The following MICAL3 variants were observed in gnomAD, a reference collection of about 807,000 sequenced individuals.
MICAL3 encodes [F-actin]-monooxygenase MICAL3.
In MICAL3, 62 loss-of-function variants were observed where a neutral mutation model predicts 207.4. The ratio of observed to expected loss-of-function variants is 0.30; its 90% CI spans 0.24 to 0.37. The LOEUF is 0.37. Among genes scored for constraint, MICAL3 ranks in the 10% least tolerant of loss-of-function variants. The probability of loss-of-function intolerance (pLI) is 1.00; values close to 1 mark genes in which losing one functional copy is unlikely to be tolerated. For synonymous variants in MICAL3, 1,077 were observed against 1,069.3 expected (o/e 1.01, Z -0.14); for missense variants, 2,368 against 2,635.6 (o/e 0.90, Z 2.22).
chr22:17,821,558 C>CCTTCCTGG, intron 24 of MICAL3, 49 bp from the exon 25 acceptor site: 1 of 1,464,136 alleles, frequency 6.8e-7, no homozygotes, highest in Non-Finnish European at 9.2e-7. Context: ...CCCCCATGTG[C>CCTTCCTGG]CAGGAAGGCA....
At chr22:17,927,251 T>C (rs767610158) in intron 1 of MICAL3, among the ~76,000 whole-genome samples, 3 of 152,226 alleles carry the variant, frequency 2.0e-5, no homozygotes, top group Non-Finnish European at 4.4e-5. Flanking sequence ...TTGTAACATA[T>C]ACCATGACCT....
At chr22:17,820,379 G>C (rs559747668) in intron 25 of MICAL3, among the ~76,000 whole-genome samples, 54 of 152,176 alleles carry the variant, frequency 3.5e-4, no homozygotes, top group Non-Finnish European at 1.3e-4. Flanking sequence ...TTTTGAGACG[G>C]AGTCTCGCTC....
chr22:17,965,190 AAAAAAAAAAAAAAG>A (rs1935091361), intron 1 of MICAL3, among the ~76,000 whole-genome samples: 1 of 151,782 alleles, frequency 6.6e-6, no homozygotes, highest in Non-Finnish European at 1.5e-5. Flanking sequence ...CTCCAAAAAA[AAAAAAAAAAAAAAG>A]GAAGGGAACT....
chr22:18,018,704 A>G (rs1924230963), intron 1 of MICAL3, among the ~76,000 whole-genome samples: 1 of 152,040 alleles, frequency 6.6e-6, no homozygotes, highest in Non-Finnish European at 1.5e-5. Flanking sequence ...CCTGGGTGAC[A>G]AAGACTCTGT....
chr22:17,798,408 T>C (rs185487180), intron 29 of MICAL3, among the ~76,000 whole-genome samples: 19 of 152,266 alleles, frequency 1.2e-4, no homozygotes, highest in African/African-American at 4.1e-4. Context: ...TTTTTGGTTT[T>C]CAGTTCCCTT....
intron 1 of MICAL3, among the ~76,000 whole-genome samples, chr22:17,907,762 C>T (rs567110436): frequency 3.8e-4 from 58 of 152,296 alleles, no homozygotes; most frequent in African/African-American, 1.3e-3. Flanking sequence ...AACCAACCAG[C>T]AGCATCACAG....
At chr22:17,872,859 C>T (rs1414283693) in intron 16 of MICAL3, 7 of 1,560,442 alleles carry the variant, frequency 4.5e-6, no homozygotes, top group East Asian at 2.2e-5. Flanking sequence ...ATACTTCTAT[C>T]GGTTGAAGAT....
chr22:17,811,460 T>C (rs1179104545), intron 27 of MICAL3: 1 of 152,282 alleles, frequency 6.6e-6, no homozygotes, highest in Non-Finnish European at 1.5e-5. Context: ...CTGGACTGAC[T>C]CTGGGGTCTG....
intron 19 of MICAL3, chr22:17,861,238 C>G (rs1347832473): frequency 2.5e-5 from 25 of 985,368 alleles, no homozygotes; most frequent in Non-Finnish European, 3.0e-5. Context: ...TGGGAAAGGC[C>G]TGCATTTCCT....
chr22:17,844,209 T>C (rs1924393575), intron 19 of MICAL3, among the ~76,000 whole-genome samples: 1 of 152,158 alleles, frequency 6.6e-6, no homozygotes, highest in African/African-American at 2.4e-5. Context: ...AGGTCATGAC[T>C]GGGCTGGCAT....
intron 1 of MICAL3, among the ~76,000 whole-genome samples, chr22:17,992,114 C>G (rs1921749498): frequency 6.6e-6 from 1 of 152,188 alleles, no homozygotes; most frequent in South Asian, 2.1e-4. Flanking sequence ...ACTTGGGGCA[C>G]CTATATCTCT....
chr22:17,823,619 T>G (rs1298313148), intron 22 of MICAL3, among the ~76,000 whole-genome samples: 2 of 152,074 alleles, frequency 1.3e-5, no homozygotes, highest in African/African-American at 4.8e-5. Flanking sequence ...GTTTCATGCA[T>G]AAAATTATTA....
intron 16 of MICAL3, 77 bp downstream of exon 16, chr22:17,885,801 C>A: frequency 1.4e-6 from 2 of 1,479,038 alleles, no homozygotes; most frequent in Non-Finnish European, 1.9e-6. Context: ...CACAGCCCAT[C>A]TCAATGGATG....
Position 17,866,483 on chromosome 22 carries a change from C to A in MICAL3, c.2429-471G>T, listed in dbSNP as rs570866692. ...GACAGGCCCATCTCTGCTGCTCCCC[C>A]TCCCGCACCCTATCTCTCACCCCCT... On this transcript the variant is annotated intron_variant, in intron 17 of 31. Coordinates refer to ENST00000441493, the MANE Select transcript of MICAL3 (RefSeq NM_015241.3). 1.2e-3 allele frequency among the ~76,000 whole-genome samples: 187 copies of A among 152,318 alleles called. 1 individual carries two copies. Among genetic ancestry groups the A allele is most frequent in the Non-Finnish European group, 2.3e-3 (158 of 68,030 alleles).
rs1345968591 is a variant in MICAL3 at position 17,896,302 on chromosome 22, G to C, written c.1266C>G (p.Ala422=). 2.6e-6 allele frequency: 4 copies of C among 1,561,864 alleles called. No individual in the cohort carries two copies. In the African/African-American group the frequency reaches 5.4e-5, roughly 21 times the overall value. Residue 422 remains alanine (A), a synonymous_variant, in exon 9 of 32, where the codon GCC becomes GCG. Transcript: ENST00000441493. ...ARGFLAAMDS[A]WMVRSWSLGT... is the part of the protein sequence containing the mutation. ...CTAGAGACCAACTTCGGACCATCCAGGCAGAGTCCATAGCAGCTAGAAAGC... is the reference window on the plus strand; with the variant it reads ...CTAGAGACCAACTTCGGACCATCCACGCAGAGTCCATAGCAGCTAGAAAGC...
intron 16 of MICAL3, chr22:17,879,452 G>A (rs370267090): frequency 2.0e-6 from 3 of 1,509,420 alleles, no homozygotes; most frequent in South Asian, 1.2e-5. Context: ...CGCTCTATTT[G>A]GACCTACTAA....
rs1167950232 is a variant in MICAL3, at chr22:17,906,778, G to C, written c.35C>G (p.Ala12Gly). 1 of 1,613,000 alleles carries C rather than the reference G, an allele frequency of 6.2e-7. No homozygotes were observed. The highest frequency in any genetic ancestry group is 8.5e-7 in the Non-Finnish European group (1 of 1,179,298). ...GACAAACCGGTCAAAGAGGACATGA[G>C]CTGGGTTCATGGTCTCATGCTTCCT... ...EERKHETMNPAHVLFDRFVQA... is the reference protein window; with the variant it reads ...EERKHETMNPGHVLFDRFVQA... The change falls in exon 2 of 32, where the codon GCT becomes GGT. Residue 12 changes from alanine to glycine, a missense_variant. Physicochemically the swap from Ala to Gly is moderately conservative, Grantham distance 60. Transcript: ENST00000441493.
At chr22:17,955,079 C>G (rs994456114) in intron 1 of MICAL3, among the ~76,000 whole-genome samples, 31 of 152,248 alleles carry the variant, frequency 2.0e-4, no homozygotes, top group African/African-American at 7.5e-4. Context: ...GTTATTCAGC[C>G]TCTCTGATAC....
In MICAL3 at chr22:17,844,834, C is replaced by T. The variant is rs555447073; in HGVS notation, c.2606-2817G>A. Among the ~76,000 whole-genome samples the T allele has an allele frequency of 8.6e-4, 131 of 152,282 alleles. 2 individuals are homozygous for T. The highest frequency in any genetic ancestry group is 1.7e-3 in the South Asian group (8 of 4,828). ...AGGAAATGTGGACTAGAGGTAATGG[C>T]AGAAAAGAGGCAGAGGGCAATCCTG... On this transcript the variant is annotated intron_variant, in intron 19 of 31. Transcript: ENST00000441493.
Sources: allele counts gnomAD v4.1 joint callset (sites outside exome capture counted in the v4.1 genomes callset), GRCh38; gene constraint gnomAD v4.1.1; transcripts MANE v1.5; gene names NCBI Gene and HGNC (gene_info 2026-07-23, HGNC 2026-07-21).